Variants in RGS6 observed in about 807,000 individuals in gnomAD.
RGS6 encodes the protein regulator of G-protein signaling 6.
In RGS6, 30 loss-of-function variants were observed where a neutral mutation model predicts 78.5. The ratio of observed to expected loss-of-function variants is 0.38; its 90% CI spans 0.29 to 0.52. RGS6 has a LOEUF of 0.52. Ranked by LOEUF, RGS6 falls within the 20% of genes least tolerant of loss-of-function variation. RGS6 has a pLI of 0.85. For synonymous variants in RGS6, 206 were observed against 206.0 expected (o/e 1.00, Z 0.00); for missense variants, 495 against 609.7 (o/e 0.81, Z 1.98).
intron 3 of RGS6, among the ~76,000 whole-genome samples, chr14:72,370,831 CTTTCCT>C (rs1271077948): frequency 6.6e-6 from 1 of 152,164 alleles, no homozygotes; most frequent in Non-Finnish European, 1.5e-5. Context: ...ATAAAAATAG[CTTTCCT>C]TTTCCTTTTT....
chr14:72,382,690 T>C (rs537823077), intron 3 of RGS6, among the ~76,000 whole-genome samples: 1 of 152,336 alleles, frequency 6.6e-6, no homozygotes, highest in South Asian at 2.1e-4. Context: ...AATCCAGGCA[T>C]GACGTTTGGC....
chr14:72,591,791 G>A, the RGS6 span, among the ~76,000 whole-genome samples: 1 of 152,186 alleles, frequency 6.6e-6, no homozygotes, highest in Non-Finnish European at 1.5e-5. Context: ...TGGAAAACAT[G>A]CCCAGAGAAA....
intron 2 of RGS6, among the ~76,000 whole-genome samples, chr14:72,099,988 G>A (rs568928076): frequency 4.8e-4 from 73 of 152,174 alleles, no homozygotes; most frequent in African/African-American, 1.7e-3. Context: ...CATGGATTTG[G>A]TTCCGAAAGC....
chr14:72,014,182 G>A (rs76962582), intron 2 of RGS6, among the ~76,000 whole-genome samples: 2,639 of 152,296 alleles, frequency 0.017, 31 homozygotes, highest in Middle Eastern at 0.048. Flanking sequence ...CTCCTAGGGC[G>A]TTCTCAGTGC....
intron 2 of RGS6, among the ~76,000 whole-genome samples, chr14:72,274,274 C>T (rs2060353868): frequency 1.3e-5 from 2 of 152,238 alleles, no homozygotes; most frequent in South Asian, 2.1e-4. Flanking sequence ...GGCTCATCCT[C>T]TGCTAGAGTC....
At chr14:72,081,222 T>A (rs1449632513) in intron 2 of RGS6, among the ~76,000 whole-genome samples, 1 of 152,102 alleles carries the variant, frequency 6.6e-6, no homozygotes, top group African/African-American at 2.4e-5. Flanking sequence ...TACAGATTTT[T>A]CAATTCCTGG....
intron 2 of RGS6, among the ~76,000 whole-genome samples, chr14:72,262,381 A>G (rs1165198706): frequency 6.6e-6 from 1 of 152,156 alleles, no homozygotes; most frequent in Non-Finnish European, 1.5e-5. Context: ...CCACCTTCTC[A>G]CTGTGTCCTC....
intron 2 of RGS6, among the ~76,000 whole-genome samples, chr14:72,267,612 T>C (rs950353923): frequency 6.6e-6 from 1 of 152,196 alleles, no homozygotes; most frequent in African/African-American, 2.4e-5. Flanking sequence ...GATTGGGTGC[T>C]GACAGGACAA....
At position 72,469,299 on chromosome 14, in the gene RGS6, C is replaced by T. The variant is rs192202720; in HGVS notation, c.460-708C>T. On this transcript the variant is annotated intron_variant, in intron 7 of 17. Transcript: ENST00000553525. The stretch of plus-strand genomic sequence containing the variant: ...GGCTCACTGCAACCTCCCCACCTCC[C>T]GGGTTCAAGCGACTCTCCTCCCTCA... Among the ~76,000 whole-genome samples the T allele has an allele frequency of 2.8e-3, 425 of 151,854 alleles. 4 individuals are homozygous for T. Among genetic ancestry groups the T allele is most frequent in the Middle Eastern group, 6.8e-3 (2 of 294 alleles).
chr14:71,994,564 C>T (rs2283424), intron 2 of RGS6, among the ~76,000 whole-genome samples: 67,639 of 151,816 alleles, frequency 0.45, 15,473 homozygotes, highest in East Asian at 0.54. Context: ...ACATCCTATC[C>T]GCCCATGTCT....
At chr14:71,944,205 C>T (rs933171864) in intron 1 of RGS6, among the ~76,000 whole-genome samples, 5 of 152,142 alleles carry the variant, frequency 3.3e-5, no homozygotes, top group African/African-American at 1.2e-4. Context: ...AACTATGGGT[C>T]CGTCATATGG....
intron 2 of RGS6, among the ~76,000 whole-genome samples, chr14:72,156,901 A>G (rs576003770): frequency 1.4e-4 from 21 of 152,094 alleles, no homozygotes; most frequent in Admixed American, 2.6e-4. Flanking sequence ...AGGAAAACCG[A>G]CAGGAGTTTT....
chr14:72,454,273 C>T (rs184318972), intron 3 of RGS6, among the ~76,000 whole-genome samples: 1 of 152,246 alleles, frequency 6.6e-6, no homozygotes, highest in East Asian at 1.9e-4. Context: ...CCTCTATAGA[C>T]ACTTCCTAGA....
intron 15 of RGS6, among the ~76,000 whole-genome samples, chr14:72,522,956 C>T (rs1391023978): frequency 6.6e-6 from 1 of 152,202 alleles, no homozygotes; most frequent in South Asian, 2.1e-4. Context: ...CATGGCAACA[C>T]AGCAATCTGA....
intron 13 of RGS6, among the ~76,000 whole-genome samples, chr14:72,507,396 G>T (rs1448093930): frequency 1.3e-5 from 2 of 152,212 alleles, no homozygotes; most frequent in Non-Finnish European, 2.9e-5. Flanking sequence ...AGAACTGTGA[G>T]AGAATAAATT....
intron 2 of RGS6, among the ~76,000 whole-genome samples, chr14:72,348,257 G>A (rs1410438067): frequency 6.6e-6 from 1 of 152,204 alleles, no homozygotes; most frequent in Non-Finnish European, 1.5e-5. Flanking sequence ...ACTGGAGTCA[G>A]GTAGAGGTGA....
intron 2 of RGS6, among the ~76,000 whole-genome samples, chr14:71,976,802 G>A (rs2094155369): frequency 6.7e-6 from 1 of 150,354 alleles, no homozygotes; most frequent in African/African-American, 2.4e-5. Flanking sequence ...GGGTCAAATG[G>A]TATTTCTAGT....
At chr14:72,392,238 T>G (rs1018969948) in intron 3 of RGS6, among the ~76,000 whole-genome samples, 2 of 152,108 alleles carry the variant, frequency 1.3e-5, no homozygotes, top group Non-Finnish European at 2.9e-5. Flanking sequence ...CAATTATGTT[T>G]GCTGGTTAAG....
chr14:72,277,925 C>A (rs919199921), intron 2 of RGS6, among the ~76,000 whole-genome samples: 1 of 152,074 alleles, frequency 6.6e-6, no homozygotes, highest in South Asian at 2.1e-4. Context: ...GACTATGTCT[C>A]AAAATAATAA....
Sources: allele counts gnomAD v4.1 joint callset (sites outside exome capture counted in the v4.1 genomes callset), GRCh38; gene constraint gnomAD v4.1.1; transcripts MANE v1.5; gene names NCBI Gene and HGNC (gene_info 2026-07-23, HGNC 2026-07-21).